The following KLHL14 variants were observed in gnomAD, a reference collection of about 807,000 sequenced individuals.
KLHL14 encodes kelch like family member 14.
KLHL14 carries 22 observed loss-of-function variants against 64.3 expected under a neutral mutation model. The ratio of observed to expected loss-of-function variants is 0.34; its 90% CI spans 0.24 to 0.49. The LOEUF is 0.49. Among genes scored for constraint, KLHL14 ranks in the 20% least tolerant of loss-of-function variants. The probability of loss-of-function intolerance (pLI) is 0.99; values close to 1 mark genes in which losing one functional copy is unlikely to be tolerated. For synonymous variants in KLHL14, 322 were observed against 333.4 expected (o/e 0.97, Z 0.37); for missense variants, 661 against 789.0 (o/e 0.84, Z 1.94).
chr18:32,721,070 A>T (rs1327470547), intron 3 of KLHL14, among the ~76,000 whole-genome samples: 1 of 152,224 alleles, frequency 6.6e-6, no homozygotes, highest in Non-Finnish European at 1.5e-5. Flanking sequence ...TTGCCAACAA[A>T]GTGTGTTTTC....
chr18:32,718,341 T>C (rs1568073183), intron 3 of KLHL14, among the ~76,000 whole-genome samples: 1 of 152,234 alleles, frequency 6.6e-6, no homozygotes, highest in Non-Finnish European at 1.5e-5. Flanking sequence ...TATTCTGCCC[T>C]GTTTACATTA....
chr18:32,698,376 A>G (rs991216802), intron 3 of KLHL14, among the ~76,000 whole-genome samples: 6 of 152,164 alleles, frequency 3.9e-5, no homozygotes, highest in Non-Finnish European at 8.8e-5. Flanking sequence ...GGGAAAGGGG[A>G]AAGAGAAGCT....
chr18:32,772,103 CGCCG>C (rs1298006949), intron 1 of KLHL14: 3 of 94,238 alleles, frequency 3.2e-5, no homozygotes. Flanking sequence ...CGCGCCGGCC[CGCCG>C]GCCCGCCGGC....
At position 32,770,368 on chromosome 18, in the gene KLHL14, T is replaced by C. The variant is rs1461376775; in HGVS notation, c.224A>G (p.Gln75Arg). ...HPPLGGGVGG[Q>R]DGLGAPKDQQ... ...GTCCTTGGGGGCCCCCAGGCCGTCCTGGCCGCCGACCCCTCCCCCGAGAGG... is the reference window on the plus strand; with the variant it reads ...GTCCTTGGGGGCCCCCAGGCCGTCCCGGCCGCCGACCCCTCCCCCGAGAGG... Residue 75 changes from glutamine to arginine, a missense_variant, in exon 2 of 9, where the codon CAG becomes CGG. Physicochemically the swap from Gln to Arg is conservative, Grantham distance 43. Transcript: ENST00000359358. The surrounding 1 kb of genome is among the most constrained non-coding windows in gnomAD (Gnocchi z 6.7). 1.9e-6 allele frequency: 3 copies of C among 1,587,794 alleles called. No homozygotes were observed. The highest frequency in any genetic ancestry group is 2.6e-6 in the Non-Finnish European group (3 of 1,166,512).
At chr18:32,685,329 T>C (rs1042262388) in intron 5 of KLHL14, among the ~76,000 whole-genome samples, 5 of 152,218 alleles carry the variant, frequency 3.3e-5, no homozygotes, top group African/African-American at 1.2e-4. Context: ...TTAGGGGCTC[T>C]ACAGTGGGAT....
intron 4 of KLHL14, among the ~76,000 whole-genome samples, chr18:32,692,698 G>T (rs964993514): frequency 2.0e-5 from 3 of 152,150 alleles, no homozygotes; most frequent in Admixed American, 1.3e-4. Context: ...ATATGTTTAC[G>T]TGAAACACAG....
In KLHL14 at chr18:32,691,850, G is replaced by A. The variant is rs2049909351; in HGVS notation, c.1159+3613C>T. On this transcript the variant is annotated intron_variant, in intron 4 of 8. Transcript: ENST00000359358. ...ATTTTCCTCCACTTTTCTTTTTTGT[G>A]CTGGTGCCCTGTCACCAGACACCAT... Among the ~76,000 whole-genome samples, 6 of 151,558 alleles carry A rather than the reference G, an allele frequency of 4.0e-5. No individual in the cohort carries two copies. The South Asian group carries it at 1.3e-3, about 32-fold the overall frequency.
intron 3 of KLHL14, among the ~76,000 whole-genome samples, chr18:32,728,089 T>A (rs1484023733): frequency 3.3e-5 from 5 of 152,190 alleles, no homozygotes; most frequent in African/African-American, 1.2e-4. Context: ...AAGAGGATGG[T>A]AGAAGGTTCA....
At chr18:32,733,807 C>T (rs2050149050) in intron 3 of KLHL14, 2 of 215,590 alleles carry the variant, frequency 9.3e-6, no homozygotes, top group Non-Finnish European at 1.9e-5. Context: ...GAACACAACC[C>T]ACCTCTTGGA....
intron 2 of KLHL14, among the ~76,000 whole-genome samples, chr18:32,749,955 T>C (rs1264377484): frequency 6.6e-6 from 1 of 151,954 alleles, no homozygotes; most frequent in Non-Finnish European, 1.5e-5. Flanking sequence ...GGCTGAAAAG[T>C]GGAAGATCAG....
chr18:32,765,423 T>G (rs1350177451), intron 2 of KLHL14, among the ~76,000 whole-genome samples: 4 of 152,180 alleles, frequency 2.6e-5, no homozygotes, highest in Non-Finnish European at 5.9e-5. Flanking sequence ...TTTAATTGCC[T>G]TCTGATTGTA....
chr18:32,770,274 A>G lies in KLHL14; in HGVS notation c.318T>C (p.Thr106=), dbSNP rs548025298. The G allele has an allele frequency of 6.3e-7, 1 of 1,590,234 alleles. No homozygotes were observed. The highest frequency in any genetic ancestry group is 2.2e-5 in the East Asian group (1 of 44,604). ...GCTTGTCGTCGGGGGAGGAAGAAGG[A>G]GTCCCGGGCTCCTCCTGCGGCGGCG... ...QQPPPQEEPG[T]PSSSPDDKLL... Residue 106 remains threonine, a synonymous_variant, in exon 2 of 9, where the codon ACT becomes ACC. Transcript: ENST00000359358. The surrounding 1 kb of genome is among the most constrained non-coding windows in gnomAD (Gnocchi z 6.7).
At chr18:32,693,413 C>CACACACACACACACAG (rs1229737083) in intron 4 of KLHL14, among the ~76,000 whole-genome samples, 24 of 97,032 alleles carry the variant, frequency 2.5e-4, no homozygotes, top group African/African-American at 1.1e-3. Context: ...CACACACACA[C>CACACACACACACACAG]AGAGAGAGAG....
rs2049834277 is a variant in KLHL14, at chr18:32,680,660, A to G, written c.1239-61T>C. 1 of 1,493,058 alleles carries G rather than the reference A, an allele frequency of 6.7e-7. No individual in the cohort carries two copies. Among genetic ancestry groups the G allele is most frequent in the Non-Finnish European group, 9.0e-7 (1 of 1,106,260 alleles). The allele number at this position is 1,493,058 out of a possible 1,614,324, so 92.5% of individuals were successfully genotyped here. A position where few individuals can be genotyped will look rare whatever the true frequency, so the allele number is the denominator to read the frequency against. ...GAGCTGTGAAATGTTACCTTTCGAA[A>G]TAAGATAAGCACCACACAGCTAGTC... On this transcript the variant is annotated intron_variant, in intron 5 of 8. Coordinates refer to ENST00000359358, the MANE Select transcript of KLHL14 (RefSeq NM_020805.3). This position sits in a 1 kb window ranked among gnomAD's most constrained non-coding sequence, Gnocchi z 4.8.
chr18:32,727,644 T>C (rs2050114519), intron 3 of KLHL14, among the ~76,000 whole-genome samples: 1 of 152,212 alleles, frequency 6.6e-6, no homozygotes, highest in Non-Finnish European at 1.5e-5. Flanking sequence ...AAAAAAAGGA[T>C]ACTTTATCAT....
At chr18:32,724,374 A>C (rs915357239) in intron 3 of KLHL14, among the ~76,000 whole-genome samples, 4 of 152,210 alleles carry the variant, frequency 2.6e-5, no homozygotes, top group Non-Finnish European at 5.9e-5. Flanking sequence ...TGATGAGGAT[A>C]ACATTTATCC....
At chr18:32,756,481 C>A (rs2144544827) in intron 2 of KLHL14, among the ~76,000 whole-genome samples, 1 of 152,198 alleles carries the variant, frequency 6.6e-6, no homozygotes, top group Middle Eastern at 3.4e-3. Flanking sequence ...TATTCCTTCT[C>A]TTAATAGGTC....
chr18:32,731,424 G>T (rs1186468392), intron 3 of KLHL14, among the ~76,000 whole-genome samples: 1 of 151,864 alleles, frequency 6.6e-6, no homozygotes. Context: ...TTATAAGTGG[G>T]AGCTAAATGA....
chr18:32,715,851 T>G (rs1693302), intron 3 of KLHL14, among the ~76,000 whole-genome samples: 1 of 152,128 alleles, frequency 6.6e-6, no homozygotes, highest in Non-Finnish European at 1.5e-5. Context: ...TCATCCTTTG[T>G]GGGGAAAATA....
Sources: allele counts gnomAD v4.1 joint callset (sites outside exome capture counted in the v4.1 genomes callset), GRCh38; gene constraint gnomAD v4.1.1; non-coding constraint Gnocchi (gnomAD v3.1); transcripts MANE v1.5; gene names NCBI Gene and HGNC (gene_info 2026-07-23, HGNC 2026-07-21).